Variants in CACNA1A observed in about 807,000 individuals in gnomAD.
CACNA1A encodes calcium voltage-gated channel subunit alpha1 A.
In CACNA1A, 57 loss-of-function variants were observed where a neutral mutation model predicts 262.4. The observed-to-expected ratio is 0.22, with a 90% CI of 0.18 to 0.27. The LOEUF (loss-of-function observed/expected upper bound fraction) is 0.27. Ranked by LOEUF, CACNA1A falls within the 10% of genes least tolerant of loss-of-function variation. The probability of loss-of-function intolerance (pLI) is 1.00; values close to 1 mark genes in which losing one functional copy is unlikely to be tolerated. For missense variants in CACNA1A, 2,526 were observed against 3,562.8 expected, an observed-to-expected ratio of 0.71 and a Z score of 7.41; for synonymous variants, 1,431 against 1,419.3, an observed-to-expected ratio of 1.01 and a Z score of -0.18.
At chr19:13,219,996 T>C (rs1404839871) in intron 38 of CACNA1A, among the ~76,000 whole-genome samples, 6 of 146,392 alleles carry the variant, frequency 4.1e-5, no homozygotes, top group Non-Finnish European at 9.0e-5. Context: ...GGTGGCTCAC[T>C]CCTGTAATCC....
chr19:13,326,482 C>G (rs1385964654), intron 10 of CACNA1A, among the ~76,000 whole-genome samples: 1 of 151,886 alleles, frequency 6.6e-6, no homozygotes, highest in African/African-American at 2.4e-5. Flanking sequence ...GTAGAATCAC[C>G]AATTATATAA....
At chr19:13,464,543 A>ATTGTTTTTTTTTTTT (rs1170388497) in intron 1 of CACNA1A, among the ~76,000 whole-genome samples, 1 of 128,960 alleles carries the variant, frequency 7.8e-6, no homozygotes, top group African/African-American at 3.1e-5. Flanking sequence ...AACTTTTCCA[A>ATTGTTTTTTTTTTTT]TTTTTTTTTT....
rs1208652771 is a variant in CACNA1A, at chr19:13,285,179, A to T, written c.3581T>A (p.Leu1194Gln). ...CTTCTTCTCTTCCTCTTTTTTTGGC[A>T]GTGGGTCTGGGTTGGCGTTTTTGTT... ...QVNKNANPDP[L>Q]PKKEEEKKEE... Residue 1194 changes from leucine (L) to glutamine (Q), a missense_variant, in exon 21 of 47, where the codon CTG (leucine) becomes CAG (glutamine). Transcript: ENST00000360228. 2 of 1,613,524 alleles carry T rather than the reference A, an allele frequency of 1.2e-6. No individual in the cohort carries two copies. Among genetic ancestry groups the T allele is most frequent in the Non-Finnish European group, 1.7e-6 (2 of 1,179,806 alleles).
chr19:13,408,085 G>A (rs1308487897), intron 3 of CACNA1A, among the ~76,000 whole-genome samples: 5 of 152,146 alleles, frequency 3.3e-5, no homozygotes, highest in Admixed American at 6.6e-5. Context: ...CGCACAGCCT[G>A]TGGAGCCGTG....
intron 1 of CACNA1A, among the ~76,000 whole-genome samples, chr19:13,487,067 G>A (rs1390576675): frequency 6.6e-6 from 1 of 152,148 alleles, no homozygotes; most frequent in African/African-American, 2.4e-5. Flanking sequence ...CCTGCCCAGG[G>A]CGCCTCATCC....
chr19:13,303,498 T>C (rs1239806382), intron 17 of CACNA1A, 48 bp downstream of exon 17: 3 of 414,372 alleles, frequency 7.2e-6, no homozygotes, highest in East Asian at 2.6e-4. Context: ...TGATCTGCCA[T>C]GGGCAGGTGG....
intron 3 of CACNA1A, among the ~76,000 whole-genome samples, chr19:13,423,315 T>G (rs1175009528): frequency 2.0e-5 from 3 of 152,104 alleles, no homozygotes; most frequent in Non-Finnish European, 2.9e-5. Context: ...GCAGAGTGCG[T>G]GATGGAGGGC....
intron 34 of CACNA1A, among the ~76,000 whole-genome samples, chr19:13,233,438 T>C (rs1353820734): frequency 2.0e-5 from 3 of 152,240 alleles, no homozygotes; most frequent in Admixed American, 1.3e-4. Flanking sequence ...CACATTATTA[T>C]GCAACTATCA....
intron 3 of CACNA1A, among the ~76,000 whole-genome samples, chr19:13,384,464 G>A (rs370499163): frequency 2.5e-4 from 38 of 152,290 alleles, no homozygotes; most frequent in African/African-American, 8.2e-4. Context: ...TTGAAAGGCC[G>A]AGGCAGGTGG....
At chr19:13,232,411 T>A (rs2144632632) in intron 34 of CACNA1A, among the ~76,000 whole-genome samples, 1 of 152,066 alleles carries the variant, frequency 6.6e-6, no homozygotes, top group African/African-American at 2.4e-5. Flanking sequence ...ACTGCATTGC[T>A]CAGGCTGGTC....
chr19:13,422,060 C>G (rs1209044940), intron 3 of CACNA1A, among the ~76,000 whole-genome samples: 1 of 152,168 alleles, frequency 6.6e-6, no homozygotes, highest in East Asian at 1.9e-4. Flanking sequence ...GTGGCTAACC[C>G]CTGTAATGCC....
intron 3 of CACNA1A, among the ~76,000 whole-genome samples, chr19:13,437,148 T>C (rs191803817): frequency 1.3e-5 from 2 of 152,324 alleles, no homozygotes; most frequent in East Asian, 3.9e-4. Flanking sequence ...CTGGTGTCCC[T>C]TTCCCTATTT....
At chr19:13,431,180 T>G (rs2060497859) in intron 3 of CACNA1A, among the ~76,000 whole-genome samples, 1 of 150,814 alleles carries the variant, frequency 6.6e-6, no homozygotes, top group South Asian at 2.1e-4. Flanking sequence ...AGGTGCCCTC[T>G]GGCTGCTGTG....
intron 6 of CACNA1A, among the ~76,000 whole-genome samples, chr19:13,358,115 T>C (rs1394514499): frequency 6.6e-6 from 1 of 152,250 alleles, no homozygotes; most frequent in Non-Finnish European, 1.5e-5. Flanking sequence ...CCCCTAGCTA[T>C]ATCTGCAAAA....
rs747111223 is a variant in CACNA1A, at chr19:13,299,341, C to T, written c.2292G>A (p.Gln764=). Residue 764 remains glutamine, a synonymous_variant, in exon 19 of 47, where the codon CAG becomes CAA. Coordinates refer to ENST00000360228, the MANE Select transcript of CACNA1A (RefSeq NM_001127222.2). ...ANMSIAVKEQ[Q]KNQKPAKSVW... ...CGGACTTGGCTGGCTTTTGATTCTT[C>T]TGTTGCTCTTTCCTGCAGTGGCATG... The T allele has an allele frequency of 1.3e-6, 2 of 1,599,782 alleles. No individual in the cohort carries two copies. The highest frequency in any genetic ancestry group is 4.5e-5 in the East Asian group (2 of 44,884).
chr19:13,418,653 G>T (rs1489804069), intron 3 of CACNA1A, among the ~76,000 whole-genome samples: 2 of 152,062 alleles, frequency 1.3e-5, no homozygotes, highest in Non-Finnish European at 2.9e-5. Flanking sequence ...AAATCCAATG[G>T]AAGGATCCTC....
intron 22 of CACNA1A, among the ~76,000 whole-genome samples, chr19:13,282,697 T>TG (rs201526813): frequency 5.4e-4 from 80 of 147,450 alleles, no homozygotes; most frequent in Middle Eastern, 3.5e-3. Context: ...GGCGGGGGGT[T>TG]GGGGGGGCGC....
In CACNA1A at chr19:13,402,861, C is replaced by T. The variant is rs79504265; in HGVS notation, c.540-31082G>A. Reference sequence around the variant, plus strand: ...ATATATATACACATATATATATACACACACACACACACATATATATATATA... The same window carrying T: ...ATATATATACACATATATATATACATACACACACACACATATATATATATA... On this transcript the variant is annotated intron_variant, in intron 3 of 46. Coordinates refer to ENST00000360228, the MANE Select transcript of CACNA1A (RefSeq NM_001127222.2). 7.7e-5 allele frequency among the ~76,000 whole-genome samples: 5 copies of T among 64,694 alleles called. No homozygotes were observed. In the Admixed American group the frequency reaches 7.9e-4, roughly 10 times the overall value. The allele number at this position is 64,694 out of a possible 152,430, so 42.4% of individuals were successfully genotyped here. A position where few individuals can be genotyped will look rare whatever the true frequency, so the allele number is the denominator to read the frequency against.
chr19:13,452,787 C>T, intron 3 of CACNA1A, 89 bp downstream of exon 3: 2 of 1,270,208 alleles, frequency 1.6e-6, no homozygotes, highest in Non-Finnish European at 2.2e-6. Flanking sequence ...AGGGCTCAGC[C>T]TTCCTGAGCC....
Sources: gnomAD v4.1 joint callset for allele counts (sites outside exome capture counted in the v4.1 genomes callset) on GRCh38, gnomAD v4.1.1 for gene constraint, MANE v1.5 for transcripts, NCBI Gene and HGNC (gene_info 2026-07-23, HGNC 2026-07-21) for gene names.